MITF: variants seen among roughly 807,000 people sequenced by gnomAD.
MITF encodes the protein microphthalmia-associated transcription factor.
A neutral mutation model predicts 60.5 loss-of-function variants in MITF; 17 were observed. The ratio of observed to expected loss-of-function variants is 0.28; its 90% CI spans 0.19 to 0.42. The LOEUF (loss-of-function observed/expected upper bound fraction) is 0.42, where lower values mean the gene tolerates loss of function less well. MITF is among the 10% of genes least tolerant of loss of function. The pLI is 1.00. For missense variants in MITF, 622 were observed against 683.5 expected (o/e 0.91, Z 1.00); for synonymous variants, 260 against 248.5 (o/e 1.05, Z -0.43).
intron 1 of MITF, among the ~76,000 whole-genome samples, chr3:69,765,252 C>T (rs1344233784): frequency 1.3e-5 from 2 of 152,106 alleles, no homozygotes; most frequent in Admixed American, 6.6e-5. Flanking sequence ...TGAGTTTTAG[C>T]GAAGATTTGT....
intron 1 of MITF, among the ~76,000 whole-genome samples, chr3:69,802,688 T>C (rs991895173): frequency 6.9e-6 from 1 of 144,822 alleles, no homozygotes; most frequent in African/African-American, 2.6e-5. Context: ...ATATTCTTTT[T>C]TTTTTTTTTT....
At chr3:69,903,363 G>A (rs529983176) in intron 2 of MITF, among the ~76,000 whole-genome samples, 6 of 152,260 alleles carry the variant, frequency 3.9e-5, no homozygotes, top group Admixed American at 3.3e-4. Flanking sequence ...CAAGTCATGG[G>A]TATGATTTTT....
chr3:69,928,386 A>G (rs191686410), intron 2 of MITF, among the ~76,000 whole-genome samples: 2 of 152,268 alleles, frequency 1.3e-5, no homozygotes, highest in Non-Finnish European at 1.5e-5. Flanking sequence ...CCATCATTCT[A>G]TCAGATTTGG....
intron 1 of MITF, among the ~76,000 whole-genome samples, chr3:69,857,305 C>T (rs1575827782): frequency 6.6e-6 from 1 of 152,010 alleles, no homozygotes; most frequent in Non-Finnish European, 1.5e-5. Flanking sequence ...AGACCTGTGG[C>T]ACATTAACCT....
At chr3:69,885,203 G>C (rs932957098) in intron 2 of MITF, among the ~76,000 whole-genome samples, 1 of 152,076 alleles carries the variant, frequency 6.6e-6, no homozygotes, top group South Asian at 2.1e-4. Context: ...TCTTTAAGTA[G>C]GAGAATCTTT....
chr3:69,920,272 A>G (rs918576580), intron 2 of MITF, among the ~76,000 whole-genome samples: 5 of 152,180 alleles, frequency 3.3e-5, no homozygotes, highest in African/African-American at 9.7e-5. Flanking sequence ...GAAAGTGTCA[A>G]GGAACAACAC....
chr3:69,804,306 C>CT lies in MITF; in HGVS notation c.104+64607dup, dbSNP rs577639165. 3.4e-3 allele frequency among the ~76,000 whole-genome samples: 522 copies of CT among 151,802 alleles called. 3 individuals are homozygous for CT. Among genetic ancestry groups the CT allele is most frequent in the South Asian group, 0.017 (81 of 4,770 alleles). On this transcript the variant is annotated intron_variant, in intron 1 of 9. Transcript: ENST00000352241. ...ATCTCTTCTCTCCCATTTCCCTCCCCTTCCTCTCCCCTACCCCCTTTCCCC... is the reference window on the plus strand; with the variant it reads ...ATCTCTTCTCTCCCATTTCCCTCCCCTTTCCTCTCCCCTACCCCCTTTCCCC...
chr3:69,910,285 G>A (rs1359320396), intron 2 of MITF, among the ~76,000 whole-genome samples: 2 of 152,240 alleles, frequency 1.3e-5, no homozygotes, highest in African/African-American at 2.4e-5. Flanking sequence ...TTCAGAAGAT[G>A]TATGGAAATG....
chr3:69,758,667 C>G (rs2062166950), intron 1 of MITF: 1 of 201,088 alleles, frequency 5.0e-6, no homozygotes, highest in Admixed American at 6.0e-5. Context: ...CTGGACATCT[C>G]AAGGTTCCAG....
At chr3:69,952,537 T>G (rs1004182585) in intron 7 of MITF, among the ~76,000 whole-genome samples, 1 of 152,176 alleles carries the variant, frequency 6.6e-6, no homozygotes, top group Non-Finnish European at 1.5e-5. Context: ...TGTGAATTTC[T>G]CATCTCATGG....
At chr3:69,812,198 A>T (rs575842448) in intron 1 of MITF, among the ~76,000 whole-genome samples, 2 of 152,320 alleles carry the variant, frequency 1.3e-5, no homozygotes, top group East Asian at 3.9e-4. Flanking sequence ...TTATAGTCTT[A>T]GCTCTGTCCC....
intron 7 of MITF, among the ~76,000 whole-genome samples, chr3:69,953,169 T>C (rs2066299275): frequency 6.6e-6 from 1 of 152,208 alleles, no homozygotes. Flanking sequence ...AGAGATAAAC[T>C]ATTATCTCCA....
chr3:69,887,352 G>A (rs1479011919), intron 2 of MITF, among the ~76,000 whole-genome samples: 2 of 152,052 alleles, frequency 1.3e-5, no homozygotes, highest in African/African-American at 4.8e-5. Flanking sequence ...ACTAAAATCG[G>A]TGGGTGTGAT....
chr3:69,838,777 A>G (rs1049728087), intron 1 of MITF: 3 of 152,612 alleles, frequency 2.0e-5, no homozygotes, highest in African/African-American at 7.2e-5. Flanking sequence ...AGCATATTCT[A>G]GTGTTCCTGC....
chr3:69,806,334 C>T (rs1286933724), intron 1 of MITF, among the ~76,000 whole-genome samples: 5 of 152,172 alleles, frequency 3.3e-5, no homozygotes, highest in African/African-American at 1.2e-4. Flanking sequence ...TGATCACCTG[C>T]CTTGGCCTCC....
In MITF at chr3:69,953,660, TATAG is replaced by T. The variant is rs771011188; in HGVS notation, c.955+1776_955+1779del. On this transcript the variant is annotated intron_variant, in intron 7 of 9. Transcript: ENST00000352241. ...ATATATATGTATGTATATATATATATATAGAGAGAGAGAGAGAGAGAGAGAGAGA... is the reference window on the plus strand; with the variant it reads ...ATATATATGTATGTATATATATATATAGAGAGAGAGAGAGAGAGAGAGAGA... 7.1e-3 allele frequency among the ~76,000 whole-genome samples: 964 copies of T among 135,716 alleles called. 6 individuals carry two copies. Among genetic ancestry groups the T allele is most frequent in the Non-Finnish European group, 0.012 (740 of 62,974 alleles). 89.0% of individuals were successfully genotyped at this position (135,716 alleles called of 152,430 possible).
chr3:69,873,505 T>C (rs906551413), intron 1 of MITF, among the ~76,000 whole-genome samples: 1 of 152,226 alleles, frequency 6.6e-6, no homozygotes, highest in African/African-American at 2.4e-5. Context: ...CTTTCATTTA[T>C]GATAAAGCAG....
intron 2 of MITF, among the ~76,000 whole-genome samples, chr3:69,908,193 T>G (rs2065143245): frequency 2.0e-5 from 3 of 152,204 alleles, no homozygotes; most frequent in Non-Finnish European, 4.4e-5. Flanking sequence ...GGGGTGTGAT[T>G]CAGTTTTGTA....
chr3:69,799,451 G>A (rs1040429454), intron 1 of MITF, among the ~76,000 whole-genome samples: 33 of 152,098 alleles, frequency 2.2e-4, no homozygotes, highest in Admixed American at 2.0e-3. Flanking sequence ...TTGTCACATT[G>A]GCTCTTTTTG....
Sources: allele counts gnomAD v4.1 joint callset (sites outside exome capture counted in the v4.1 genomes callset), GRCh38; gene constraint gnomAD v4.1.1; transcripts MANE v1.5; gene names NCBI Gene and HGNC (gene_info 2026-07-23, HGNC 2026-07-21).